NME8: variants seen among roughly 807,000 people sequenced by gnomAD.
NME8 encodes the protein protein NME8.
Under a neutral mutation model 82.3 loss-of-function variants are expected in NME8, and 72 were observed. The observed-to-expected ratio is 0.87, with a 90% CI of 0.72 to 1.06. NME8 has a LOEUF of 1.06. Among genes scored for constraint, NME8 ranks in the 50% least tolerant of loss-of-function variants. NME8 has a pLI of 0.00. For synonymous variants in NME8, 267 were observed against 228.5 expected (o/e 1.17, Z -1.52); for missense variants, 712 against 685.4 (o/e 1.04, Z -0.43).
At chr7:37,891,802 G>T (rs940852543) in intron 15 of NME8, among the ~76,000 whole-genome samples, 5 of 151,894 alleles carry the variant, frequency 3.3e-5, no homozygotes, top group African/African-American at 1.2e-4. Flanking sequence ...AAAAAAAGTT[G>T]GGATGGATAG....
chr7:37,875,292 A>G (rs1329371691), intron 11 of NME8, among the ~76,000 whole-genome samples: 2 of 152,210 alleles, frequency 1.3e-5, no homozygotes, highest in Non-Finnish European at 2.9e-5. Flanking sequence ...TGAAAATTGA[A>G]TACGGACTGT....
chr7:37,891,602 G>C (rs181073402), intron 15 of NME8, among the ~76,000 whole-genome samples: 44 of 151,890 alleles, frequency 2.9e-4, no homozygotes, highest in African/African-American at 1.0e-3. Flanking sequence ...TATTTGTTCT[G>C]TAAGCCATTT....
rs1210077099 is a variant in NME8, at chr7:37,865,463, A to G, written c.529-62A>G. 20 of 1,188,262 alleles carry G rather than the reference A, an allele frequency of 1.7e-5. No individual in the cohort carries two copies. The East Asian group carries it at 4.4e-4, about 26-fold the overall frequency. The allele number at this position is 1,188,262 out of a possible 1,614,324, so 73.6% of individuals were successfully genotyped here. A position where few individuals can be genotyped will look rare whatever the true frequency, so the allele number is the denominator to read the frequency against. ...GTGGTTTGTTAAGCCCAAAAAACAA[A>G]CTTAACTTGTTTTACATGTGATCCC... On this transcript the variant is annotated intron_variant, in intron 9 of 17. Transcript: ENST00000199447.
At chr7:37,888,230 ATTCTG>A in intron 14 of NME8, 42 bp from the exon 15 acceptor site, 5 of 1,572,772 alleles carry the variant, frequency 3.2e-6, no homozygotes, top group Non-Finnish European at 4.4e-6. Flanking sequence ...GTGTTATATT[ATTCTG>A]TTCTGTTCTA....
chr7:37,857,157 C>T, intron 5 of NME8, 117 bp from the exon 6 acceptor site: 1 of 769,458 alleles, frequency 1.3e-6, no homozygotes, highest in Non-Finnish European at 2.1e-6. Context: ...CTAAGGCATA[C>T]CGAATGTTGC....
chr7:37,886,178 G>A (rs1187286146), intron 14 of NME8, among the ~76,000 whole-genome samples: 1 of 152,138 alleles, frequency 6.6e-6, no homozygotes, highest in Non-Finnish European at 1.5e-5. Context: ...AGGATAATAA[G>A]CATAGAACCT....
chr7:37,868,376 A>T (rs1002821889), intron 11 of NME8, among the ~76,000 whole-genome samples: 1 of 152,194 alleles, frequency 6.6e-6, no homozygotes, highest in African/African-American at 2.4e-5. Flanking sequence ...TTGCACAATG[A>T]GTTTGAACAT....
At position 37,857,074 on chromosome 7, in the gene NME8, C is replaced by T. The variant is rs572447144; in HGVS notation, c.199-200C>T. On this transcript the variant is annotated intron_variant, in intron 5 of 17. Transcript: ENST00000199447. ...AAAGGTTGGTTAATGTAAAGGGAAACGGTGCGGAAAGGTTAAGGCCAAATG... is the reference window on the plus strand; with the variant it reads ...AAAGGTTGGTTAATGTAAAGGGAAATGGTGCGGAAAGGTTAAGGCCAAATG... Among the ~76,000 whole-genome samples the T allele has an allele frequency of 4.6e-5, 7 of 152,202 alleles. No individual in the cohort carries two copies. The East Asian group carries it at 5.8e-4, about 13-fold the overall frequency.
rs1296812326 is a variant in NME8, at chr7:37,850,406, A to T, written c.62A>T (p.Asp21Val). Residue 21 changes from aspartate (D) to valine (V), a missense_variant, in exon 4 of 18, where the codon GAT (aspartate) becomes GTT (valine). Coordinates refer to ENST00000199447, the MANE Select transcript of NME8 (RefSeq NM_016616.5). ...GTCATCAATAATCAAAGCCTGTGGG[A>T]TGAGATGTTGCAGAACAAAGGCTTA... The part of the protein sequence containing the change: ...QTVINNQSLW[D>V]EMLQNKGLTV... 1.2e-6 allele frequency: 2 copies of T among 1,614,106 alleles called. No individual in the cohort carries two copies. Among genetic ancestry groups the T allele is most frequent in the Non-Finnish European group, 1.7e-6 (2 of 1,179,990 alleles).
chr7:37,854,081 C>T (rs1326721456), intron 5 of NME8, among the ~76,000 whole-genome samples: 1 of 28,966 alleles, frequency 3.5e-5, no homozygotes, highest in Admixed American at 5.7e-4. Flanking sequence ...TCATATATGA[C>T]TTTTGACTCC....
intron 8 of NME8, among the ~76,000 whole-genome samples, 186 bp downstream of exon 8, chr7:37,863,648 C>G (rs1784632072): frequency 6.6e-6 from 1 of 152,204 alleles, no homozygotes; most frequent in African/African-American, 2.4e-5. Flanking sequence ...CCTCACTCGC[C>G]TTACCTTTGG....
At chr7:37,880,774 A>T (rs1035522186) in intron 12 of NME8, among the ~76,000 whole-genome samples, 4 of 149,944 alleles carry the variant, frequency 2.7e-5, no homozygotes. Context: ...ATGAATATGG[A>T]ATATCTCTCC....
At chr7:37,900,192 T>A (rs1252425986) in intron 17 of NME8, 52 bp from the exon 18 acceptor site, 1 of 152,254 alleles carries the variant, frequency 6.6e-6, no homozygotes, top group Non-Finnish European at 1.5e-5. Context: ...GCTGAAAGAT[T>A]AGTGTATAGC....
intron 11 of NME8, among the ~76,000 whole-genome samples, chr7:37,875,065 G>C (rs2722302): frequency 0.62 from 93,842 of 151,970 alleles, 29,741 homozygotes; most frequent in East Asian, 0.81. Flanking sequence ...TAATAGGAAA[G>C]TACTGGGCCA....
rs1197387362 is a variant in NME8, at chr7:37,897,019, T to C, written c.1694T>C (p.Val565Ala). 1.2e-6 allele frequency: 2 copies of C among 1,613,916 alleles called. No homozygotes were observed. Among genetic ancestry groups the C allele is most frequent in the Non-Finnish European group, 1.7e-6 (2 of 1,179,882 alleles). ...GGAATAAGTAAATTGAAAAACATTG[T>C]CCATGGAGCATCTAACGCCTATGAA... is the stretch of plus-strand genomic sequence containing the variant. ...QFGISKLKNI[V>A]HGASNAYEAK... Residue 565 changes from valine to alanine, a missense_variant, in exon 17 of 18, where the codon GTC (valine) becomes GCC (alanine). Transcript: ENST00000199447.
At chr7:37,863,606 C>A in intron 8 of NME8, 144 bp downstream of exon 8, 1 of 658,574 alleles carries the variant, frequency 1.5e-6, no homozygotes, top group Non-Finnish European at 2.8e-6. Flanking sequence ...TTGGGCCTTG[C>A]AAGACTCAGC....
At position 37,865,912 on chromosome 7, in the gene NME8, A is replaced by C. The variant is rs73691362; in HGVS notation, c.621+295A>C. Among the ~76,000 whole-genome samples, 1,372 of 152,106 alleles carry C rather than the reference A, an allele frequency of 9.0e-3. 20 individuals are homozygous for C. The highest frequency in any genetic ancestry group is 0.032 in the African/African-American group (1,309 of 41,462). On this transcript the variant is annotated intron_variant, in intron 10 of 17. Transcript: ENST00000199447. ...CCCCTGCATCAGTCCTCTGGAAGTGAATATCCAGTCATTTTCTATTGATTT... is the reference window on the plus strand; with the variant it reads ...CCCCTGCATCAGTCCTCTGGAAGTGCATATCCAGTCATTTTCTATTGATTT...
intron 11 of NME8, among the ~76,000 whole-genome samples, chr7:37,870,994 T>C (rs1249297759): frequency 2.0e-5 from 3 of 152,162 alleles, no homozygotes; most frequent in Non-Finnish European, 4.4e-5. Flanking sequence ...CTCTCATGCG[T>C]AATTTATTCA....
chr7:37,884,018 C>A (rs1785004208), intron 12 of NME8, among the ~76,000 whole-genome samples: 1 of 152,014 alleles, frequency 6.6e-6, no homozygotes, highest in East Asian at 1.9e-4. Flanking sequence ...CATGCATACA[C>A]CCAAGAAAAA....
Sources: gnomAD v4.1 joint callset for allele counts (sites outside exome capture counted in the v4.1 genomes callset) on GRCh38, gnomAD v4.1.1 for gene constraint, MANE v1.5 for transcripts, NCBI Gene and HGNC (gene_info 2026-07-23, HGNC 2026-07-21) for gene names.